The following GALNTL5 variants were observed in gnomAD, a reference collection of about 807,000 sequenced individuals.
The protein encoded by GALNTL5 is inactive polypeptide N-acetylgalactosaminyltransferase-like protein 5.
A neutral mutation model predicts 51.0 loss-of-function variants in GALNTL5; 44 were observed. That is an observed-to-expected ratio of 0.86 (90% CI 0.68 to 1.11). The LOEUF (loss-of-function observed/expected upper bound fraction) is 1.11, where lower values mean the gene tolerates loss of function less well. GALNTL5 is among the 50% of genes least tolerant of loss of function. GALNTL5 has a pLI of 0.00. For missense variants in GALNTL5, 528 were observed against 531.8 expected, an observed-to-expected ratio of 0.99 and a Z score of 0.07; for synonymous variants, 192 against 182.8, an observed-to-expected ratio of 1.05 and a Z score of -0.41.
intron 4 of GALNTL5, among the ~76,000 whole-genome samples, chr7:151,984,875 G>A (rs2081340716): frequency 6.6e-6 from 1 of 152,158 alleles, no homozygotes. Context: ...GAATGACCAG[G>A]GGACGGATAC....
intron 7 of GALNTL5, among the ~76,000 whole-genome samples, chr7:152,011,492 G>T (rs1002247383): frequency 2.6e-5 from 4 of 152,228 alleles, no homozygotes. Flanking sequence ...CCCAGATGCT[G>T]GCAAGGTGTG....
intron 1 of GALNTL5, among the ~76,000 whole-genome samples, chr7:151,959,886 G>T (rs1458504249): frequency 1.3e-5 from 2 of 152,084 alleles, no homozygotes; most frequent in African/African-American, 2.4e-5. Context: ...GGCTCAGAGG[G>T]TTCCTGTGGA....
intron 8 of GALNTL5, among the ~76,000 whole-genome samples, chr7:152,016,162 TG>T (rs2081810172): frequency 6.6e-6 from 1 of 152,116 alleles, no homozygotes; most frequent in Non-Finnish European, 1.5e-5. Context: ...TCTAAGCACT[TG>T]GGAGGCCGAG....
At chr7:152,018,551 A>G (rs1039237251) in intron 8 of GALNTL5, among the ~76,000 whole-genome samples, 9 of 152,188 alleles carry the variant, frequency 5.9e-5, no homozygotes, top group African/African-American at 1.7e-4. Context: ...ACAGAGCAAA[A>G]AGTTAACTTA....
chr7:151,976,116 T>G (rs2151943268), intron 3 of GALNTL5, among the ~76,000 whole-genome samples: 1 of 152,340 alleles, frequency 6.6e-6, no homozygotes, highest in East Asian at 1.9e-4. Context: ...GCCCAGTATT[T>G]CCTTATTGAT....
At chr7:151,972,967 T>C (rs1370875834) in intron 3 of GALNTL5, among the ~76,000 whole-genome samples, 1 of 152,100 alleles carries the variant, frequency 6.6e-6, no homozygotes, top group Non-Finnish European at 1.5e-5. Flanking sequence ...GACCCCAGAA[T>C]GGTAGATCCA....
intron 5 of GALNTL5, among the ~76,000 whole-genome samples, chr7:151,995,592 C>A (rs112162093): frequency 0.014 from 2,191 of 151,546 alleles, 41 homozygotes; most frequent in African/African-American, 0.043. Flanking sequence ...TGAGCCTCAG[C>A]CTGATAATCC....
chr7:151,970,199 G>A (rs1301445318), intron 2 of GALNTL5, among the ~76,000 whole-genome samples: 3 of 142,610 alleles, frequency 2.1e-5, no homozygotes, highest in African/African-American at 7.6e-5. Context: ...AGGGAAAGCA[G>A]GAAGGGGCGG....
At chr7:151,992,964 A>C (rs2081446085) in intron 5 of GALNTL5, among the ~76,000 whole-genome samples, 1 of 152,086 alleles carries the variant, frequency 6.6e-6, no homozygotes, top group Admixed American at 6.5e-5. Flanking sequence ...CGGACTGGAC[A>C]CGATGGCTCA....
chr7:152,007,711 C>T lies in GALNTL5; in HGVS notation c.909-116C>T, dbSNP rs537769306. On this transcript the variant is annotated intron_variant, in intron 6 of 8. Coordinates refer to ENST00000392800, the MANE Select transcript of GALNTL5 (RefSeq NM_145292.4). ...GGGATTACAGGCATGAGCCTCCACA[C>T]CCGGCCTGTTTTCTCATTTTAAACT... 13 of 729,334 alleles carry T rather than the reference C, an allele frequency of 1.8e-5. No individual in the cohort carries two copies. The South Asian group carries it at 2.0e-4, about 11-fold the overall frequency. The allele number at this position is 729,334 out of a possible 1,614,324, so 45.2% of individuals were successfully genotyped here.
Position 152,002,799 on chromosome 7 carries a change from CA to C in GALNTL5, c.748del (p.Met250TrpfsTer6). The stretch of plus-strand genomic sequence containing the variant: ...TGCTGCATGCCATTGCCAAGGACCC[CA>C]AAATGGTGGTGTGCCCCCTGATAGA... Reference protein sequence around the residue: ...PLLHAIAKDPKMVVCPLIDVI... With the variant: ...PLLHAIAKDPXMVVCPLIDVI... On this transcript the variant is annotated frameshift_variant, in exon 6 of 9. Coordinates refer to ENST00000392800, the MANE Select transcript of GALNTL5 (RefSeq NM_145292.4). LOFTEE classifies it high-confidence loss of function. 6.2e-7 allele frequency: 1 copy of C among 1,614,178 alleles called. No homozygotes were observed. Among genetic ancestry groups the C allele is most frequent in the Non-Finnish European group, 8.5e-7 (1 of 1,180,036 alleles).
At chr7:152,006,699 T>A (rs189880868) in intron 6 of GALNTL5, among the ~76,000 whole-genome samples, 1 of 152,338 alleles carries the variant, frequency 6.6e-6, no homozygotes, top group Non-Finnish European at 1.5e-5. Context: ...GAGTGACTCA[T>A]ATCCCTAAAA....
At chr7:151,981,603 TTCCC>T (rs1459740081) in intron 3 of GALNTL5, among the ~76,000 whole-genome samples, 10 of 100,840 alleles carry the variant, frequency 9.9e-5, no homozygotes, top group Non-Finnish European at 1.3e-4. Context: ...CCTTCCTTCC[TTCCC>T]TCCTTCCTTC....
At chr7:151,984,629 T>C (rs1375157826) in intron 4 of GALNTL5, among the ~76,000 whole-genome samples, 2 of 152,180 alleles carry the variant, frequency 1.3e-5, no homozygotes, top group African/African-American at 4.8e-5. Flanking sequence ...GGACTGTCTA[T>C]TTCTAGCCTT....
Position 152,008,222 on chromosome 7 carries a change from T to A in GALNTL5, c.1026+278T>A, listed in dbSNP as rs2081677062. 2.3e-5 allele frequency among the ~76,000 whole-genome samples: 3 copies of A among 129,624 alleles called. No homozygotes were observed. The South Asian group carries it at 7.9e-4, about 34-fold the overall frequency. 85.0% of individuals were successfully genotyped at this position (129,624 alleles called of 152,430 possible). A position where few individuals can be genotyped will look rare whatever the true frequency, so the allele number is the denominator to read the frequency against. On this transcript the variant is annotated intron_variant, in intron 7 of 8. Transcript: ENST00000392800. ...TGAAGCCAGGAGTTCAAGACCAGCC[T>A]CAGCAACATAGCAAGACCCCCATCT...
Position 151,971,007 on chromosome 7 carries a change from G to A in GALNTL5, c.310G>A (p.Val104Met), listed in dbSNP as rs746196136. 46 of 1,609,810 alleles carry A rather than the reference G, an allele frequency of 2.9e-5. No individual in the cohort carries two copies. Among genetic ancestry groups the A allele is most frequent in the Non-Finnish European group, 1.8e-5 (21 of 1,176,790 alleles). Residue 104 changes from valine to methionine, a missense_variant, in exon 3 of 9, where the codon GTG (valine) becomes ATG (methionine). Coordinates refer to ENST00000392800, the MANE Select transcript of GALNTL5 (RefSeq NM_145292.4). ...AGAACTTTTAAAATATGGATTTAAT[G>A]TGATTATCAGTAGAAGCTTGGGCAT... Reference protein sequence around the residue: ...HKELLKYGFNVIISRSLGIER... With the variant: ...HKELLKYGFNMIISRSLGIER...
chr7:151,997,786 T>C (rs1243571773), intron 5 of GALNTL5, among the ~76,000 whole-genome samples: 1 of 152,188 alleles, frequency 6.6e-6, no homozygotes, highest in Non-Finnish European at 1.5e-5. Context: ...TTTAAAATGT[T>C]TTTGTTGCAG....
At chr7:151,981,636 TTCTC>T (rs1332884029) in intron 3 of GALNTL5, among the ~76,000 whole-genome samples, 268 of 129,320 alleles carry the variant, frequency 2.1e-3, no homozygotes, top group African/African-American at 7.5e-3. Context: ...CTTCCTCCCT[TTCTC>T]TCTCTCTCTC....
chr7:151,958,917 C>G (rs141447525), intron 1 of GALNTL5, among the ~76,000 whole-genome samples: 18 of 152,200 alleles, frequency 1.2e-4, no homozygotes, highest in Middle Eastern at 3.4e-3. Context: ...GATGGATAGT[C>G]CCAACATGGG....
Sources: allele counts gnomAD v4.1 joint callset (sites outside exome capture counted in the v4.1 genomes callset), GRCh38; gene constraint gnomAD v4.1.1; transcripts MANE v1.5; gene names NCBI Gene and HGNC (gene_info 2026-07-23, HGNC 2026-07-21).